SPACA7: variants seen among roughly 807,000 people sequenced by gnomAD.
The protein encoded by SPACA7 is sperm acrosome-associated protein 7.
SPACA7 carries 19 observed loss-of-function variants against 26.3 expected under a neutral mutation model. That is an observed-to-expected ratio of 0.72 (90% CI 0.50 to 1.06). The LOEUF (loss-of-function observed/expected upper bound fraction) is 1.06, where lower values mean the gene tolerates loss of function less well. Among genes scored for constraint, SPACA7 ranks in the 50% least tolerant of loss-of-function variants. The pLI is 0.00. For missense variants in SPACA7, 211 were observed against 229.9 expected, an observed-to-expected ratio of 0.92 and a Z score of 0.53; for synonymous variants, 84 against 84.5, an observed-to-expected ratio of 0.99 and a Z score of 0.04.
intron 2 of SPACA7, among the ~76,000 whole-genome samples, chr13:112,394,208 G>T (rs1885084174): frequency 6.6e-6 from 1 of 152,164 alleles, no homozygotes; most frequent in Non-Finnish European, 1.5e-5. Flanking sequence ...CTTCTGCTCT[G>T]ACCTCTCGTT....
chr13:112,432,354 G>A (rs770694209), intron 5 of SPACA7, 90 bp from the exon 6 acceptor site: 29 of 1,056,802 alleles, frequency 2.7e-5, no homozygotes, highest in South Asian at 5.5e-5. Context: ...TTTGCTCAGC[G>A]CTTACGGCTC....
At chr13:112,423,793 A>T (rs2139054626) in intron 5 of SPACA7, among the ~76,000 whole-genome samples, 1 of 152,364 alleles carries the variant, frequency 6.6e-6, no homozygotes, top group Admixed American at 6.5e-5. Flanking sequence ...CCAAGAGACG[A>T]TCTGGCAATC....
chr13:112,421,474 G>A (rs929622093), intron 5 of SPACA7, among the ~76,000 whole-genome samples: 1 of 152,100 alleles, frequency 6.6e-6, no homozygotes, highest in East Asian at 1.9e-4. Context: ...AAGACAAGGG[G>A]AAAAAGAAAT....
Position 112,403,270 on chromosome 13 carries a change from C to A in SPACA7, c.445+2106C>A, listed in dbSNP as rs114127464. On this transcript the variant is annotated intron_variant, in intron 5 of 6. Transcript: ENST00000283550. ...TTTTCAAATGTATTTGAATAGAGAT[C>A]TTTAAATCATCTCCTGATTTTAAAA... Among the ~76,000 whole-genome samples the A allele has an allele frequency of 8.1e-3, 1,230 of 152,226 alleles. 17 individuals are homozygous for A. The highest frequency in any genetic ancestry group is 0.028 in the African/African-American group (1,160 of 41,550).
chr13:112,398,716 C>T (rs1414010158), intron 3 of SPACA7, among the ~76,000 whole-genome samples: 2 of 152,182 alleles, frequency 1.3e-5, no homozygotes, highest in Non-Finnish European at 2.9e-5. Flanking sequence ...ACTGAATCAA[C>T]AGTTGCCAAG....
intron 5 of SPACA7, among the ~76,000 whole-genome samples, chr13:112,420,838 A>G (rs1875880461): frequency 6.6e-6 from 1 of 152,182 alleles, no homozygotes; most frequent in Non-Finnish European, 1.5e-5. Flanking sequence ...GGAGAAAAGA[A>G]ACACTTTACA....
chr13:112,383,857 A>G (rs1025830726), intron 1 of SPACA7, among the ~76,000 whole-genome samples: 2 of 152,372 alleles, frequency 1.3e-5, no homozygotes, highest in Middle Eastern at 3.4e-3. Context: ...GTCCTGTTAC[A>G]AAAGAAAACA....
chr13:112,381,250 G>C (rs542644327), intron 1 of SPACA7, among the ~76,000 whole-genome samples: 1 of 152,222 alleles, frequency 6.6e-6, no homozygotes, highest in Admixed American at 6.5e-5. Flanking sequence ...AGCACTTTGG[G>C]AGGTTAAAGC....
intron 5 of SPACA7, among the ~76,000 whole-genome samples, chr13:112,415,262 G>A (rs1035028939): frequency 6.6e-6 from 1 of 152,184 alleles, no homozygotes; most frequent in African/African-American, 2.4e-5. Flanking sequence ...CACCAATGCT[G>A]GGTCTCACCC....
At chr13:112,415,138 G>T (rs929840252) in intron 5 of SPACA7, among the ~76,000 whole-genome samples, 4 of 152,232 alleles carry the variant, frequency 2.6e-5, no homozygotes, top group African/African-American at 9.6e-5. Context: ...GGCTCCCAAA[G>T]TCCCTCACTC....
chr13:112,399,464 A>ACAATGCCTGGCCCC (rs1405328748), intron 4 of SPACA7, among the ~76,000 whole-genome samples: 1 of 152,142 alleles, frequency 6.6e-6, no homozygotes, highest in Non-Finnish European at 1.5e-5. Flanking sequence ...AGGTGCTGCC[A>ACAATGCCTGGCCCC]CAATGCCTGG....
intron 5 of SPACA7, among the ~76,000 whole-genome samples, chr13:112,414,809 A>G (rs1294169824): frequency 6.6e-6 from 1 of 152,202 alleles, no homozygotes; most frequent in Non-Finnish European, 1.5e-5. Flanking sequence ...GGGTTGGCTA[A>G]TGGTGCCTTA....
At chr13:112,383,026 A>AAGAGAGAGAGAGAAAGAGAG (rs1555324357) in intron 1 of SPACA7, among the ~76,000 whole-genome samples, 3 of 95,308 alleles carry the variant, frequency 3.1e-5, no homozygotes, top group South Asian at 3.4e-4. Flanking sequence ...GAAAGAAAGA[A>AAGAGAGAGAGAGAAAGAGAG]AGAGAGAGAG....
intron 1 of SPACA7, among the ~76,000 whole-genome samples, chr13:112,380,081 T>A (rs1307316498): frequency 6.6e-6 from 1 of 152,198 alleles, no homozygotes; most frequent in Non-Finnish European, 1.5e-5. Context: ...GTAAGACTAC[T>A]CAACAGGTAA....
At chr13:112,426,046 T>C (rs529343850) in intron 5 of SPACA7, among the ~76,000 whole-genome samples, 4 of 152,366 alleles carry the variant, frequency 2.6e-5, no homozygotes, top group African/African-American at 9.6e-5. Context: ...TGGAAATGTA[T>C]AGCATTAAAT....
intron 2 of SPACA7, among the ~76,000 whole-genome samples, chr13:112,395,958 C>A (rs1252799814): frequency 1.3e-5 from 2 of 151,792 alleles, no homozygotes; most frequent in African/African-American, 4.8e-5. Flanking sequence ...GGTAGGGAGG[C>A]CCGTGGAAGG....
At chr13:112,432,665 G>C (rs1366124298) in intron 6 of SPACA7, 144 bp downstream of exon 6, 2 of 637,524 alleles carry the variant, frequency 3.1e-6, no homozygotes, top group Non-Finnish European at 5.6e-6. Context: ...AGGAGCCCCT[G>C]TCCAACCGTT....
At chr13:112,402,094 A>G (rs1004104251) in intron 5 of SPACA7, among the ~76,000 whole-genome samples, 3 of 151,870 alleles carry the variant, frequency 2.0e-5, no homozygotes, top group African/African-American at 7.3e-5. Context: ...TTATGTTTTT[A>G]TTGGGATTGC....
intron 1 of SPACA7, among the ~76,000 whole-genome samples, chr13:112,383,513 G>A (rs1884341796): frequency 6.6e-6 from 1 of 152,138 alleles, no homozygotes; most frequent in African/African-American, 2.4e-5. Context: ...AGATTTTAAT[G>A]GGCTTTGATG....
Sources: allele counts gnomAD v4.1 joint callset (sites outside exome capture counted in the v4.1 genomes callset), GRCh38; gene constraint gnomAD v4.1.1; transcripts MANE v1.5; gene names NCBI Gene and HGNC (gene_info 2026-07-23, HGNC 2026-07-21).